The following CADPS2 variants were observed in gnomAD, a reference collection of about 807,000 sequenced individuals.
CADPS2 encodes calcium dependent secretion activator 2.
A neutral mutation model predicts 172.5 loss-of-function variants in CADPS2; 93 were observed. The observed-to-expected ratio is 0.54, with a 90% CI of 0.46 to 0.64. CADPS2 has a LOEUF of 0.64. Among genes scored for constraint, CADPS2 ranks in the 30% least tolerant of loss-of-function variants. CADPS2 has a pLI of 0.00. For missense variants in CADPS2, 1,420 were observed against 1,565.9 expected, an observed-to-expected ratio of 0.91 and a Z score of 1.57; for synonymous variants, 546 against 555.2, an observed-to-expected ratio of 0.98 and a Z score of 0.23.
Position 122,772,997 on chromosome 7 carries a change from T to C in CADPS2, c.340-35929A>G, listed in dbSNP as rs576709134. Among the ~76,000 whole-genome samples the C allele has an allele frequency of 6.2e-4, 94 of 152,098 alleles. 1 individual carries two copies. Among genetic ancestry groups the C allele is most frequent in the Non-Finnish European group, 1.1e-3 (77 of 67,928 alleles). ...GAAAAGCCAACAAATGGGAAGAAAA[T>C]GGCACCACATGAAATGAACAAAAAG... On this transcript the variant is annotated intron_variant, in intron 1 of 29. Coordinates refer to ENST00000449022, the MANE Select transcript of CADPS2 (RefSeq NM_017954.11).
intron 25 of CADPS2, among the ~76,000 whole-genome samples, chr7:122,377,399 C>T (rs775927237): frequency 2.0e-5 from 3 of 152,148 alleles, no homozygotes; most frequent in Non-Finnish European, 4.4e-5. Flanking sequence ...TGTACTCTTC[C>T]TTCCCACTCC....
chr7:122,564,257 T>G (rs2066118258), intron 7 of CADPS2, among the ~76,000 whole-genome samples: 1 of 152,138 alleles, frequency 6.6e-6, no homozygotes, highest in East Asian at 1.9e-4. Context: ...TTGGTGGGAA[T>G]GTAAATTAGT....
At chr7:122,768,166 C>G (rs1334673807) in intron 1 of CADPS2, among the ~76,000 whole-genome samples, 2 of 152,062 alleles carry the variant, frequency 1.3e-5, no homozygotes, top group Non-Finnish European at 2.9e-5. Flanking sequence ...AGGACTTGAC[C>G]AAGTGAGACA....
In CADPS2 at chr7:122,645,658, G is replaced by GATATATATATATATAT. The variant is rs71161314; in HGVS notation, c.787-16346_787-16331dup. Among the ~76,000 whole-genome samples, 92 of 106,642 alleles carry GATATATATATATATAT rather than the reference G, an allele frequency of 8.6e-4. 1 individual carries two copies. Among genetic ancestry groups the GATATATATATATATAT allele is most frequent in the East Asian group, 2.5e-3 (8 of 3,144 alleles). 70.0% of individuals were successfully genotyped at this position (106,642 alleles called of 152,430 possible). A position where few individuals can be genotyped will look rare whatever the true frequency, so the allele number is the denominator to read the frequency against. ...TACTCTAAGATACATATATCTCTAA[G>GATATATATATATATAT]ATATATATATATATATATATATATC... On this transcript the variant is annotated intron_variant, in intron 3 of 29. Transcript: ENST00000449022.
At chr7:122,684,108 T>C (rs945214640) in intron 2 of CADPS2, among the ~76,000 whole-genome samples, 5 of 152,186 alleles carry the variant, frequency 3.3e-5, no homozygotes, top group African/African-American at 9.7e-5. Context: ...TGCTAAATAT[T>C]AGAAGTGTTT....
rs1564124410 is a variant in CADPS2 at position 122,705,903 on chromosome 7, A to T, written c.453+31052T>A. On this transcript the variant is annotated intron_variant, in intron 2 of 29. Transcript: ENST00000449022. ...TAATATAATAAATATAATATAATAT[A>T]TAATATATTATATAATATAATATAT... Among the ~76,000 whole-genome samples, 2 of 6,714 alleles carry T rather than the reference A, an allele frequency of 3.0e-4. 1 individual carries two copies. Among genetic ancestry groups the T allele is most frequent in the African/African-American group, 7.3e-4 (2 of 2,734 alleles). 4.4% of individuals were successfully genotyped at this position (6,714 alleles called of 152,430 possible).
intron 1 of CADPS2, among the ~76,000 whole-genome samples, chr7:122,872,124 C>G (rs1323053865): frequency 4.6e-5 from 7 of 152,054 alleles, no homozygotes; most frequent in Non-Finnish European, 1.0e-4. Context: ...GCTTCTTATA[C>G]CAAGATCTGT....
At chr7:122,837,060 T>C (rs192313319) in intron 1 of CADPS2, among the ~76,000 whole-genome samples, 2 of 152,084 alleles carry the variant, frequency 1.3e-5, no homozygotes, top group East Asian at 3.9e-4. Context: ...TAAAAGAACA[T>C]AAATTATAAC....
chr7:122,634,822 C>A lies in CADPS2; in HGVS notation c.787-5494G>T, dbSNP rs183351737. On this transcript the variant is annotated intron_variant, in intron 3 of 29. Coordinates refer to ENST00000449022, the MANE Select transcript of CADPS2 (RefSeq NM_017954.11). ...AACTTTCCTTTTAACACTGCTTTAG[C>A]GGCATCCCAAAGATTTTGGTAAGTT... Among the ~76,000 whole-genome samples the A allele has an allele frequency of 5.3e-5, 8 of 152,154 alleles. No homozygotes were observed. In the South Asian group the frequency reaches 1.0e-3, roughly 20 times the overall value.
At chr7:122,572,206 G>C (rs1377700384) in intron 7 of CADPS2, among the ~76,000 whole-genome samples, 4 of 152,076 alleles carry the variant, frequency 2.6e-5, no homozygotes, top group Non-Finnish European at 5.9e-5. Flanking sequence ...AAGATGGAAT[G>C]GAAATTCTTT....
intron 1 of CADPS2, among the ~76,000 whole-genome samples, chr7:122,762,445 T>C (rs988779363): frequency 6.6e-6 from 1 of 152,142 alleles, no homozygotes; most frequent in African/African-American, 2.4e-5. Context: ...AAGCAAATCA[T>C]TGTAATACAA....
At chr7:122,332,342 G>A (rs1311644923) in intron 28 of CADPS2, among the ~76,000 whole-genome samples, 1 of 150,414 alleles carries the variant, frequency 6.6e-6, no homozygotes, top group East Asian at 2.0e-4. Context: ...GTGGAAAGAC[G>A]ATCCTTGGTT....
intron 28 of CADPS2, among the ~76,000 whole-genome samples, chr7:122,326,461 CAG>C (rs1331245632): frequency 6.6e-6 from 1 of 151,986 alleles, no homozygotes; most frequent in Non-Finnish European, 1.5e-5. Flanking sequence ...TTAAGGGACA[CAG>C]TGATTCAGAG....
chr7:122,841,513 G>A (rs910566932), intron 1 of CADPS2, among the ~76,000 whole-genome samples: 5 of 152,152 alleles, frequency 3.3e-5, no homozygotes, highest in African/African-American at 1.2e-4. Context: ...ATATGCTATA[G>A]TAGTGATAAA....
chr7:122,351,592 G>GT (rs1292400366), intron 27 of CADPS2, among the ~76,000 whole-genome samples: 1 of 151,952 alleles, frequency 6.6e-6, no homozygotes, highest in Non-Finnish European at 1.5e-5. Flanking sequence ...TTTAGAGCAT[G>GT]TAACATGTGT....
chr7:122,533,167 C>T (rs934791415), intron 8 of CADPS2, among the ~76,000 whole-genome samples: 2 of 151,914 alleles, frequency 1.3e-5, no homozygotes, highest in South Asian at 2.1e-4. Flanking sequence ...GTGCCAGATG[C>T]TAGAGAAATT....
At chr7:122,417,459 G>C (rs1261697475) in intron 17 of CADPS2, among the ~76,000 whole-genome samples, 2 of 152,276 alleles carry the variant, frequency 1.3e-5, no homozygotes, top group African/African-American at 4.8e-5. Context: ...CAATGTTGTT[G>C]GCTGTAGGAA....
intron 19 of CADPS2, among the ~76,000 whole-genome samples, chr7:122,408,429 C>A (rs749333941): frequency 6.6e-6 from 1 of 151,894 alleles, no homozygotes; most frequent in African/African-American, 2.4e-5. Flanking sequence ...GTCATCATTT[C>A]ATTTATTTTT....
chr7:122,864,652 A>C (rs949541567), intron 1 of CADPS2, among the ~76,000 whole-genome samples: 3 of 152,216 alleles, frequency 2.0e-5, no homozygotes, highest in Non-Finnish European at 4.4e-5. Flanking sequence ...ATGCAGGGCC[A>C]TAATGTCTAT....
Sources: allele counts gnomAD v4.1 joint callset (sites outside exome capture counted in the v4.1 genomes callset), GRCh38; gene constraint gnomAD v4.1.1; transcripts MANE v1.5; gene names NCBI Gene and HGNC (gene_info 2026-07-23, HGNC 2026-07-21).